Variants in JMJD1C observed in about 807,000 individuals in gnomAD.
JMJD1C encodes the protein jumonji domain containing 1C.
In JMJD1C, 31 loss-of-function variants were observed where a neutral mutation model predicts 245.3. The ratio of observed to expected loss-of-function variants is 0.13; its 90% CI spans 0.09 to 0.17. JMJD1C has a LOEUF of 0.17. Ranked by LOEUF, JMJD1C falls within the 10% of genes least tolerant of loss-of-function variation. JMJD1C has a pLI of 1.00. For synonymous variants in JMJD1C, 1,057 were observed against 1,017.4 expected (o/e 1.04, Z -0.74); for missense variants, 2,691 against 3,000.2 (o/e 0.90, Z 2.41).
chr10:63,274,513 T>C (rs1589359712), intron 2 of JMJD1C, among the ~76,000 whole-genome samples: 1 of 151,904 alleles, frequency 6.6e-6, no homozygotes, highest in African/African-American at 2.4e-5. Flanking sequence ...TGCAGGGAGC[T>C]GAGATTGTGC....
At chr10:63,498,459 CA>C (rs1329307536) in intron 1 of JMJD1C, among the ~76,000 whole-genome samples, 1 of 152,094 alleles carries the variant, frequency 6.6e-6, no homozygotes, top group African/African-American at 2.4e-5. Flanking sequence ...AAACATGTAA[CA>C]TTTTTTAACC....
intron 2 of JMJD1C, among the ~76,000 whole-genome samples, chr10:63,299,081 A>G (rs1279906590): frequency 1.3e-5 from 2 of 152,196 alleles, no homozygotes. Context: ...CATATTTAAT[A>G]AACATTATTA....
intron 1 of JMJD1C, among the ~76,000 whole-genome samples, chr10:63,462,259 T>C (rs1040941674): frequency 2.6e-5 from 4 of 152,202 alleles, no homozygotes; most frequent in Non-Finnish European, 1.5e-5. Context: ...TTTGAAATTA[T>C]CCAACATAAC....
rs1454304263 is a variant in JMJD1C, at chr10:63,309,474, A to G, written c.334-44710T>C. The stretch of plus-strand genomic sequence containing the variant: ...GCACCACTGCACTCCAGCCTAAGCA[A>G]CAAGAGCGAGACTCCATCTCAAAAA... On this transcript the variant is annotated intron_variant, in intron 2 of 25. Coordinates refer to ENST00000399262, the MANE Select transcript of JMJD1C (RefSeq NM_032776.3). Among the ~76,000 whole-genome samples, 3 of 144,066 alleles carry G rather than the reference A, an allele frequency of 2.1e-5. No homozygotes were observed. The Admixed American group carries it at 2.1e-4, about 10-fold the overall frequency. The allele number at this position is 144,066 out of a possible 152,430, so 94.5% of individuals were successfully genotyped here. A position where few individuals can be genotyped will look rare whatever the true frequency, so the allele number is the denominator to read the frequency against.
At chr10:63,491,261 C>CA (rs1418099007) in intron 1 of JMJD1C, among the ~76,000 whole-genome samples, 1 of 152,152 alleles carries the variant, frequency 6.6e-6, no homozygotes, top group African/African-American at 2.4e-5. Context: ...TCATCACCCC[C>CA]TCCCCCAGTT....
At chr10:63,316,506 G>A (rs956379893) in intron 2 of JMJD1C, among the ~76,000 whole-genome samples, 3 of 151,756 alleles carry the variant, frequency 2.0e-5, no homozygotes, top group South Asian at 4.2e-4. Context: ...GGAGTGCAAT[G>A]GCATGATCCC....
At chr10:63,470,174 G>A (rs1478225034), upstream of JMJD1C, among the ~76,000 whole-genome samples, 1 of 151,882 alleles carries the variant, frequency 6.6e-6, no homozygotes, top group African/African-American at 2.4e-5. Context: ...CCCTTTATAG[G>A]ATATATAAGC....
chr10:63,468,296 T>G (rs766626707), upstream of JMJD1C, among the ~76,000 whole-genome samples: 22 of 152,238 alleles, frequency 1.4e-4, no homozygotes, highest in Non-Finnish European at 2.6e-4. Flanking sequence ...TATTTTGCTG[T>G]TGGAAAAATT....
chr10:63,270,890 T>C (rs1177552862), intron 2 of JMJD1C, among the ~76,000 whole-genome samples: 1 of 152,156 alleles, frequency 6.6e-6, no homozygotes, highest in Non-Finnish European at 1.5e-5. Context: ...ATGTAAAACA[T>C]CAGGTTATGT....
intron 22 of JMJD1C, among the ~76,000 whole-genome samples, chr10:63,182,943 C>T (rs1189708052): frequency 6.6e-6 from 1 of 152,116 alleles, no homozygotes; most frequent in Non-Finnish European, 1.5e-5. Context: ...CTCACCGCAA[C>T]CTCCGCCTCC....
chr10:63,284,394 T>G (rs1233542179), intron 2 of JMJD1C, among the ~76,000 whole-genome samples: 1 of 152,178 alleles, frequency 6.6e-6, no homozygotes, highest in Non-Finnish European at 1.5e-5. Context: ...TCATTATGTT[T>G]ATTACTGTCA....
intron 2 of JMJD1C, among the ~76,000 whole-genome samples, chr10:63,266,169 C>A (rs1855549510): frequency 6.6e-6 from 1 of 152,064 alleles, no homozygotes; most frequent in Non-Finnish European, 1.5e-5. Flanking sequence ...CTCTTATATT[C>A]TCACTTATTT....
chr10:63,482,630 C>T (rs977421588), intron 1 of JMJD1C, among the ~76,000 whole-genome samples: 4 of 151,488 alleles, frequency 2.6e-5, no homozygotes, highest in Admixed American at 6.6e-5. Flanking sequence ...AGCAAGACTT[C>T]ATCTCAAAAA....
rs141907340 is a variant in JMJD1C at position 63,436,583 on chromosome 10, A to G, written c.168+28912T>C. Among the ~76,000 whole-genome samples the G allele has an allele frequency of 3.2e-3, 489 of 152,278 alleles. 2 individuals are homozygous for G. Among genetic ancestry groups the G allele is most frequent in the African/African-American group, 0.011 (474 of 41,560 alleles). On this transcript the variant is annotated intron_variant, in intron 1 of 25. Coordinates refer to ENST00000399262, the MANE Select transcript of JMJD1C (RefSeq NM_032776.3). ...TAAAATGTTATTCATCATGCCATTCAATATTATTTCTGTCCTAGTTTCTGT... is the reference window on the plus strand; with the variant it reads ...TAAAATGTTATTCATCATGCCATTCGATATTATTTCTGTCCTAGTTTCTGT...
chr10:63,181,736 G>A (rs1843508227), intron 22 of JMJD1C, among the ~76,000 whole-genome samples: 1 of 152,174 alleles, frequency 6.6e-6, no homozygotes, highest in Non-Finnish European at 1.5e-5. Flanking sequence ...AGCTTTTAAG[G>A]ACATGAATGA....
intron 2 of JMJD1C, among the ~76,000 whole-genome samples, chr10:63,332,266 T>TAAGC (rs1942241567): frequency 6.6e-6 from 1 of 152,224 alleles, no homozygotes; most frequent in Non-Finnish European, 1.5e-5. Context: ...TTCAGCTGGA[T>TAAGC]AAGCCACCAT....
At chr10:63,326,009 T>C (rs1246721233) in intron 2 of JMJD1C, among the ~76,000 whole-genome samples, 1 of 152,182 alleles carries the variant, frequency 6.6e-6, no homozygotes, top group Non-Finnish European at 1.5e-5. Context: ...AGCAATATAA[T>C]GAAGACAAAG....
At chr10:63,510,250 C>A (rs112958740) in intron 1 of JMJD1C, among the ~76,000 whole-genome samples, 22,499 of 151,786 alleles carry the variant, frequency 0.15, 3,883 homozygotes, top group African/African-American at 0.42. Flanking sequence ...TGATCCACCC[C>A]CCTCGGCCTC....
chr10:63,210,519 G>A (rs1374541685), intron 8 of JMJD1C, among the ~76,000 whole-genome samples: 1 of 152,094 alleles, frequency 6.6e-6, no homozygotes, highest in Non-Finnish European at 1.5e-5. Flanking sequence ...CCATATACAT[G>A]TGACACATAC....
Sources: gnomAD v4.1 joint callset for allele counts (sites outside exome capture counted in the v4.1 genomes callset) on GRCh38, gnomAD v4.1.1 for gene constraint, MANE v1.5 for transcripts, NCBI Gene and HGNC (gene_info 2026-07-23, HGNC 2026-07-21) for gene names.